The following RELN variants were observed in gnomAD, a reference collection of about 807,000 sequenced individuals.
The protein encoded by RELN is reelin.
In RELN, 108 loss-of-function variants were observed where a neutral mutation model predicts 427.6. The observed-to-expected ratio is 0.25, with a 90% CI of 0.22 to 0.30. The LOEUF is 0.30. RELN is among the 10% of genes least tolerant of loss of function. The probability of loss-of-function intolerance (pLI) is 1.00; values close to 1 mark genes in which losing one functional copy is unlikely to be tolerated. For synonymous variants in RELN, 1,524 were observed against 1,513.4 expected, an observed-to-expected ratio of 1.01 and a Z score of -0.16; for missense variants, 3,715 against 4,302.8, an observed-to-expected ratio of 0.86 and a Z score of 3.82.
At chr7:103,737,665 T>C (rs568633369) in intron 6 of RELN, among the ~76,000 whole-genome samples, 1 of 152,348 alleles carries the variant, frequency 6.6e-6, no homozygotes, top group South Asian at 2.1e-4. Context: ...GTAAGCCAAA[T>C]CACCAATCTT....
chr7:103,832,818 T>C (rs999659818), intron 3 of RELN, among the ~76,000 whole-genome samples: 4 of 152,134 alleles, frequency 2.6e-5, no homozygotes, highest in Admixed American at 6.6e-5. Context: ...TCCTAAATGA[T>C]CCCATTTTCT....
At chr7:103,576,027 T>C (rs1002606950) in intron 28 of RELN, among the ~76,000 whole-genome samples, 1 of 152,056 alleles carries the variant, frequency 6.6e-6, no homozygotes, top group Non-Finnish European at 1.5e-5. Context: ...GGTCAGGAGA[T>C]TGAGACCATC....
At chr7:103,916,674 G>A (rs1381414134) in intron 2 of RELN, among the ~76,000 whole-genome samples, 1 of 152,094 alleles carries the variant, frequency 6.6e-6, no homozygotes, top group East Asian at 1.9e-4. Flanking sequence ...ACAATGTTCA[G>A]TTGCCAGATT....
chr7:103,948,822 T>C (rs966951025), intron 1 of RELN, among the ~76,000 whole-genome samples: 3 of 152,106 alleles, frequency 2.0e-5, no homozygotes, highest in African/African-American at 7.2e-5. Flanking sequence ...GAGACCAGCC[T>C]GGGCAATGTG....
intron 3 of RELN, among the ~76,000 whole-genome samples, chr7:103,806,772 A>G (rs1258140325): frequency 1.3e-5 from 2 of 152,180 alleles, no homozygotes; most frequent in Admixed American, 6.6e-5. Flanking sequence ...TGGCCTTAAA[A>G]TCAAGTACTA....
rs749573055 is a variant in RELN at position 103,572,204 on chromosome 7, T to A, written c.4568A>T (p.Lys1523Ile). ...CTTACCTTCATTTCTAGTTCTTGGT[T>A]TGATGCAGGTAATGCCTGAAGTTTT... Reference protein sequence around the residue: ...GSKTSGITCIKPRTRNEGLIV... With the variant: ...GSKTSGITCIIPRTRNEGLIV... Residue 1523 changes from lysine to isoleucine, a missense_variant, in exon 31 of 65, where the codon AAA becomes ATA. Around this residue, in one of 4 missense-constraint regions of RELN, gnomAD observed 2,208 missense variants for 2,361.7 expected, o/e 0.93. Transcript: ENST00000428762. The A allele has an allele frequency of 6.3e-7, 1 of 1,586,964 alleles. No homozygotes were observed. Among genetic ancestry groups the A allele is most frequent in the African/African-American group, 1.3e-5 (1 of 74,426 alleles).
At chr7:103,622,330 T>C (rs1832239956) in intron 20 of RELN, among the ~76,000 whole-genome samples, 1 of 152,174 alleles carries the variant, frequency 6.6e-6, no homozygotes, top group African/African-American at 2.4e-5. Flanking sequence ...CTAATATATA[T>C]CTTCAAATAG....
chr7:103,661,530 A>G lies in RELN; in HGVS notation c.1290-3T>C. The G allele has an allele frequency of 1.3e-6, 2 of 1,556,170 alleles. No homozygotes were observed. The highest frequency in any genetic ancestry group is 1.8e-6 in the Non-Finnish European group (2 of 1,137,690). On this transcript the variant is annotated splice_polypyrimidine_tract_variant and splice_region_variant and intron_variant, in intron 11 of 64. Coordinates refer to ENST00000428762, the MANE Select transcript of RELN (RefSeq NM_005045.4). ...TGACAGCTCCCAAGACATCCCATCT[A>G]AAAAAAAAGGGGGATTAAGAGTTAG...
At chr7:103,768,749 T>C (rs1242954542) in intron 4 of RELN, among the ~76,000 whole-genome samples, 1 of 152,138 alleles carries the variant, frequency 6.6e-6, no homozygotes, top group African/African-American at 2.4e-5. Flanking sequence ...TAAATAATCA[T>C]GACACAACAG....
chr7:103,818,583 T>C (rs1241865849), intron 3 of RELN, among the ~76,000 whole-genome samples: 1 of 152,198 alleles, frequency 6.6e-6, no homozygotes, highest in Non-Finnish European at 1.5e-5. Context: ...GTTGACTTCA[T>C]AGTTAACCTT....
intron 13 of RELN, among the ~76,000 whole-genome samples, chr7:103,653,515 G>T (rs1444807426): frequency 6.6e-6 from 1 of 152,018 alleles, no homozygotes; most frequent in Non-Finnish European, 1.5e-5. Context: ...GAGTATGTGG[G>T]TGTGGCCTCA....
intron 2 of RELN, among the ~76,000 whole-genome samples, chr7:103,867,174 C>T (rs542102580): frequency 6.6e-6 from 1 of 152,164 alleles, no homozygotes; most frequent in Admixed American, 6.6e-5. Flanking sequence ...TTTAACTAAA[C>T]ATTTCTGTGT....
At position 103,682,097 on chromosome 7, in the gene RELN, G is replaced by A; in HGVS notation, c.1289+19C>T. 6.2e-7 allele frequency: 1 copy of A among 1,610,918 alleles called. No individual in the cohort carries two copies. Among genetic ancestry groups the A allele is most frequent in the Non-Finnish European group, 8.5e-7 (1 of 1,177,144 alleles). On this transcript the variant is annotated intron_variant, in intron 11 of 64. Transcript: ENST00000428762. ...ATGTAAGTGCTACATACACAGCATG[G>A]GAGATAGCAATTACTTACCCTGTAG...
intron 2 of RELN, among the ~76,000 whole-genome samples, chr7:103,870,700 C>T (rs1246071801): frequency 6.6e-6 from 1 of 152,072 alleles, no homozygotes; most frequent in Non-Finnish European, 1.5e-5. Flanking sequence ...CTTCAGTGTC[C>T]TCCATTCCTA....
intron 60 of RELN, among the ~76,000 whole-genome samples, 163 bp from the exon 61 acceptor site, chr7:103,486,579 A>G (rs1362662741): frequency 6.6e-6 from 1 of 151,692 alleles, no homozygotes; most frequent in Non-Finnish European, 1.5e-5. Flanking sequence ...AAACAACCCC[A>G]TCAAAAAGTG....
chr7:103,679,333 C>T (rs1207498645), intron 11 of RELN, among the ~76,000 whole-genome samples: 1 of 152,230 alleles, frequency 6.6e-6, no homozygotes, highest in Non-Finnish European at 1.5e-5. Context: ...GGGGTGTAGC[C>T]TGACGTCCTG....
At position 103,923,625 on chromosome 7, in the gene RELN, T is replaced by A. The variant is rs73712302; in HGVS notation, c.227-6440A>T. Reference sequence around the variant, plus strand: ...CAAATGGACTCCAATCAGCCTTTTGTGAGGGGTAGAGAGAGATCGTTCCTA... The same window carrying A: ...CAAATGGACTCCAATCAGCCTTTTGAGAGGGGTAGAGAGAGATCGTTCCTA... On this transcript the variant is annotated intron_variant, in intron 1 of 64. Coordinates refer to ENST00000428762, the MANE Select transcript of RELN (RefSeq NM_005045.4). Among the ~76,000 whole-genome samples the A allele has an allele frequency of 1.1e-3, 164 of 152,196 alleles. 1 individual carries two copies. Among genetic ancestry groups the A allele is most frequent in the African/African-American group, 3.7e-3 (154 of 41,514 alleles).
At position 103,501,310 on chromosome 7, in the gene RELN, G is replaced by A. The variant is rs182096599; in HGVS notation, c.8490-388C>T. Among the ~76,000 whole-genome samples, 275 of 152,324 alleles carry A rather than the reference G, an allele frequency of 1.8e-3. 2 individuals are homozygous for A. Among genetic ancestry groups the A allele is most frequent in the African/African-American group, 6.3e-3 (262 of 41,576 alleles). ...ATTTCTGAAATTGTACAGAAGGTGA[G>A]TGACGCCTTTGACAAGAGCCTTGTC... On this transcript the variant is annotated intron_variant, in intron 52 of 64. Transcript: ENST00000428762.
intron 1 of RELN, among the ~76,000 whole-genome samples, chr7:103,917,871 T>G (rs557419786): frequency 2.6e-5 from 4 of 152,244 alleles, no homozygotes; most frequent in African/African-American, 9.6e-5. Context: ...CAGGCTTGGC[T>G]TCTTCAAATT....
Sources: gnomAD v4.1 joint callset for allele counts (sites outside exome capture counted in the v4.1 genomes callset) on GRCh38, gnomAD v4.1.1 for gene constraint, gnomAD v4.1.1 regional missense constraint, MANE v1.5 for transcripts, NCBI Gene and HGNC (gene_info 2026-07-23, HGNC 2026-07-21) for gene names.